The following ZNF454 variants were observed in gnomAD, a reference collection of about 807,000 sequenced individuals.
ZNF454 encodes the protein zinc finger protein 454.
ZNF454 carries 30 observed loss-of-function variants against 48.2 expected under a neutral mutation model. The ratio of observed to expected loss-of-function variants is 0.62; its 90% CI spans 0.47 to 0.84. The LOEUF (loss-of-function observed/expected upper bound fraction) is 0.84, where lower values mean the gene tolerates loss of function less well. Among genes scored for constraint, ZNF454 ranks in the 40% least tolerant of loss-of-function variants. The probability of loss-of-function intolerance (pLI) is 0.00; values close to 1 mark genes in which losing one functional copy is unlikely to be tolerated. For synonymous variants in ZNF454, 204 were observed against 211.4 expected (o/e 0.97, Z 0.30); for missense variants, 510 against 623.1 (o/e 0.82, Z 1.93).
chr5:178,986,504 G>T, the ZNF454 span: 2 of 1,609,604 alleles, frequency 1.2e-6, no homozygotes, highest in Non-Finnish European at 8.5e-7. Context: ...GCTGCCCAGG[G>T]GGAGGACCAG....
chr5:178,956,292 C>T (rs1025486963), intron 4 of ZNF454, among the ~76,000 whole-genome samples: 4 of 152,136 alleles, frequency 2.6e-5, no homozygotes, highest in Middle Eastern at 3.4e-3. Context: ...TCCGTTTTCT[C>T]TAGTTTTCTG....
chr5:178,986,199 C>G, the ZNF454 span: 2 of 1,614,042 alleles, frequency 1.2e-6, no homozygotes, highest in Non-Finnish European at 1.7e-6. Context: ...GGGGTGTGAC[C>G]GAGCGCTTGC....
chr5:178,971,575 C>T, the ZNF454 span, among the ~76,000 whole-genome samples: 260 of 145,926 alleles, frequency 1.8e-3, no homozygotes, highest in African/African-American at 6.4e-3. Context: ...CCCGGCTGGG[C>T]GCGGTGGCCA....
the ZNF454 span, chr5:178,985,678 G>C: frequency 9.9e-6 from 4 of 405,664 alleles, no homozygotes; most frequent in South Asian, 3.6e-5. Flanking sequence ...ACTCCAGCCT[G>C]GGCGACACAG....
the ZNF454 span, chr5:178,977,451 G>A: frequency 6.6e-6 from 3 of 455,998 alleles, no homozygotes; most frequent in Non-Finnish European, 1.3e-5. Context: ...CCAGAACTAT[G>A]AGAAATGTCT....
At chr5:178,979,313 C>T in the ZNF454 span, 1 of 152,212 alleles carries the variant, frequency 6.6e-6, no homozygotes, top group African/African-American at 2.4e-5. Flanking sequence ...TGGAAAAGCC[C>T]TCTTGTGGAA....
chr5:178,960,762 G>T (rs1316048902), intron 4 of ZNF454, among the ~76,000 whole-genome samples: 1 of 151,634 alleles, frequency 6.6e-6, no homozygotes, highest in Admixed American at 6.6e-5. Context: ...ATACCTTAAA[G>T]TCTGTTTTCT....
chr5:178,957,202 G>T (rs902988937), intron 4 of ZNF454, among the ~76,000 whole-genome samples: 1 of 151,846 alleles, frequency 6.6e-6, no homozygotes, highest in East Asian at 1.9e-4. Context: ...TATTTTATTC[G>T]TCCTAACTTC....
In ZNF454 at chr5:178,946,539, C is replaced by T. The variant is rs942642536; in HGVS notation, c.160+54C>T. 11 of 1,546,866 alleles carry T rather than the reference C, an allele frequency of 7.1e-6. No homozygotes were observed. The African/African-American group carries it at 1.1e-4, about 16-fold the overall frequency. ...TCACTTTTGGGGATCTCTTTGGGAC[C>T]CTTACATTGACACCATATAGAAGAG... On this transcript the variant is annotated intron_variant, in intron 3 of 4. Coordinates refer to ENST00000519564, the MANE Select transcript of ZNF454 (RefSeq NM_001178089.3). This position sits in a 1 kb window ranked among gnomAD's most constrained non-coding sequence, Gnocchi z 4.5.
chr5:178,989,365 G>A, the ZNF454 span: 5 of 1,613,920 alleles, frequency 3.1e-6, no homozygotes, highest in Admixed American at 6.7e-5. Context: ...TGTTCCTGCG[G>A]TTGTTCTCCA....
chr5:178,965,171 G>T lies in ZNF454; in HGVS notation c.767G>T (p.Ser256Ile), dbSNP rs1279785826. The change falls in exon 5 of 5, where the codon AGC becomes ATC. Residue 256 changes from serine to isoleucine, a missense_variant. Ser to Ile is a moderately radical substitution (Grantham distance 142, BLOSUM62 -2). This residue lies in a region of ZNF454 where 354 missense variants were observed against 408.9 expected (regional missense o/e 0.87). Transcript: ENST00000519564. The surrounding 1 kb of genome is among the most constrained non-coding windows in gnomAD (Gnocchi z 5.2). ...CKECGKAFSV[S>I]SSLTYHQKIH... is the part of the protein sequence containing the mutation. ...GAATGTGGCAAGGCCTTCTCAGTGA[G>T]CTCCTCACTTACGTACCATCAGAAA... 3.1e-6 allele frequency: 5 copies of T among 1,613,998 alleles called. No homozygotes were observed. The highest frequency in any genetic ancestry group is 2.7e-5 in the African/African-American group (2 of 74,910).
chr5:178,985,428 G>A, the ZNF454 span: 5 of 357,170 alleles, frequency 1.4e-5, no homozygotes, highest in African/African-American at 6.5e-5. Flanking sequence ...AACTCACTGG[G>A]CGCAGCGGCT....
intron 4 of ZNF454, among the ~76,000 whole-genome samples, chr5:178,958,935 G>A (rs1345729063): frequency 3.9e-5 from 6 of 151,918 alleles, no homozygotes; most frequent in African/African-American, 1.5e-4. Context: ...TCATATATAT[G>A]CAAATATTGT....
chr5:178,942,493 T>C, intron 1 of ZNF454, 192 bp from the exon 2 acceptor site: 1 of 360,250 alleles, frequency 2.8e-6, no homozygotes, highest in Non-Finnish European at 5.0e-6. Context: ...GCATGAGAAC[T>C]GGACCTGGAG....
intron 4 of ZNF454, among the ~76,000 whole-genome samples, chr5:178,959,020 C>CTTTTTTTTT (rs59427023): frequency 6.7e-6 from 1 of 149,172 alleles, no homozygotes. Flanking sequence ...CATCAGAGGT[C>CTTTTTTTTT]TTTTTTTTTT....
intron 2 of ZNF454, among the ~76,000 whole-genome samples, chr5:178,943,111 G>A (rs1581853644): frequency 6.6e-6 from 1 of 152,324 alleles, no homozygotes; most frequent in East Asian, 1.9e-4. Context: ...AGTAAGATTA[G>A]GGATCTGAAG....
intron 4 of ZNF454, among the ~76,000 whole-genome samples, chr5:178,956,674 AATTTATTTATTTATTT>A (rs70997652): frequency 1.1e-3 from 38 of 33,880 alleles, no homozygotes; most frequent in African/African-American, 2.2e-3. Flanking sequence ...TATTTTATTT[AATTTATTTATTTATTT>A]ATTTATTTAT....
chr5:178,975,816 C>T, the ZNF454 span: 2 of 333,262 alleles, frequency 6.0e-6, no homozygotes, highest in South Asian at 2.3e-5. Context: ...GTAACCTCTA[C>T]AATCAGCTGA....
At position 178,941,273 on chromosome 5, in the gene ZNF454, G is replaced by T. The variant is rs1371033607; in HGVS notation, c.-279G>T. On this transcript the variant is annotated 5_prime_UTR_variant, in exon 1 of 5. The change creates a new upstream start codon in the 5' untranslated region. Coordinates refer to ENST00000519564, the MANE Select transcript of ZNF454 (RefSeq NM_001178089.3). This position sits in a 1 kb window ranked among gnomAD's most constrained non-coding sequence, Gnocchi z 5.5. ...CTTGCGATCTCTCGCCGCCGGCAGA[G>T]GCTCCTCGAAGAGCGACACGGGGCT... 7.4e-6 allele frequency: 3 copies of T among 405,624 alleles called. No individual in the cohort carries two copies. The East Asian group carries it at 2.2e-4, about 29-fold the overall frequency. 25.1% of individuals were successfully genotyped at this position (405,624 alleles called of 1,614,324 possible).
Sources: allele counts gnomAD v4.1 joint callset (sites outside exome capture counted in the v4.1 genomes callset), GRCh38; gene constraint gnomAD v4.1.1; regional missense constraint gnomAD v4.1.1; non-coding constraint Gnocchi (gnomAD v3.1); transcripts MANE v1.5; gene names NCBI Gene and HGNC (gene_info 2026-07-23, HGNC 2026-07-21).